The following KIR3DL1 variants were observed in gnomAD, a reference collection of about 807,000 sequenced individuals.
KIR3DL1 encodes killer cell immunoglobulin like receptor, three Ig domains and long cytoplasmic tail 1, also known as killer cell immunoglobulin-like receptor 3DL1.
A neutral mutation model predicts 40.3 loss-of-function variants in KIR3DL1; 50 were observed. The observed-to-expected ratio is 1.24, with a 90% CI of 0.99 to 1.57. KIR3DL1 has a LOEUF of 1.57. Ranked by LOEUF, KIR3DL1 falls within the 40% of genes most tolerant of loss-of-function variation. KIR3DL1 has a pLI of 0.00. For missense variants in KIR3DL1, 661 were observed against 559.9 expected, an observed-to-expected ratio of 1.18 and a Z score of -1.82; for synonymous variants, 257 against 207.2, an observed-to-expected ratio of 1.24 and a Z score of -2.07.
intron 6 of KIR3DL1, among the ~76,000 whole-genome samples, chr19:54,826,732 A>G (rs1397753547): frequency 6.6e-6 from 1 of 150,998 alleles, no homozygotes; most frequent in Non-Finnish European, 1.5e-5. Flanking sequence ...GAACCCCTGA[A>G]AGATTGGCGG....
chr19:54,828,411 C>A (rs1235348942), intron 6 of KIR3DL1, among the ~76,000 whole-genome samples: 5 of 151,262 alleles, frequency 3.3e-5, no homozygotes, highest in African/African-American at 1.2e-4. Flanking sequence ...ACCGTCACTC[C>A]AGGGAGACAG....
At chr19:54,824,657 C>T (rs2061793472) in intron 5 of KIR3DL1, among the ~76,000 whole-genome samples, 3 of 150,486 alleles carry the variant, frequency 2.0e-5, no homozygotes, top group Admixed American at 2.0e-4. Context: ...GCCTGCATGA[C>T]AGAGCAAGAT....
chr19:54,830,615 C>A (rs2062179824), exon 9 of KIR3DL1: 1 of 337,642 alleles, frequency 3.0e-6, no homozygotes, highest in Non-Finnish European at 5.4e-6. Context: ...ATACAAGAGG[C>A]TCCCTCTTGA....
At chr19:54,819,775 G>A in exon 4 of KIR3DL1, 3 of 1,611,184 alleles carry the variant, frequency 1.9e-6, no homozygotes, top group Non-Finnish European at 2.5e-6. Context: ...AGGAGAGAGA[G>A]TCATCCTGCA....
At chr19:54,818,504 C>G (rs1229896989) in exon 3 of KIR3DL1, 8 of 1,611,480 alleles carry the variant, frequency 5.0e-6, no homozygotes, top group African/African-American at 2.7e-5. Context: ...CCTGTGACCA[C>G]AGCACATGCA....
chr19:54,827,245 C>A (rs1301701752), intron 6 of KIR3DL1, among the ~76,000 whole-genome samples: 1 of 151,240 alleles, frequency 6.6e-6, no homozygotes, highest in Non-Finnish European at 1.5e-5. Flanking sequence ...CAATACCTGG[C>A]AAAGGAGTGA....
chr19:54,817,610 T>C (rs1158293657), intron 2 of KIR3DL1, 41 bp downstream of exon 2: 259 of 1,449,752 alleles, frequency 1.8e-4, no homozygotes, highest in Non-Finnish European at 2.2e-4. Context: ...TCTCCCCACA[T>C]AAGAGGATTT....
rs1053202896 is a variant in KIR3DL1, at chr19:54,820,127, G to A, written c.655+115G>A. 41 of 1,128,760 alleles carry A rather than the reference G, an allele frequency of 3.6e-5. 1 individual carries two copies. The Admixed American group carries it at 6.9e-4, about 19-fold the overall frequency. The allele number at this position is 1,128,760 out of a possible 1,614,324, so 69.9% of individuals were successfully genotyped here. On this transcript the variant is annotated intron_variant, in intron 4 of 8. Coordinates refer to ENST00000391728, the Ensembl canonical transcript of KIR3DL1. ...TAAGTGTGGGATTCTTATGGAAAGA[G>A]AGTGACTTGGTGAGGTCTGTACCAA...
At chr19:54,824,683 C>CA (rs1302833532) in intron 5 of KIR3DL1, among the ~76,000 whole-genome samples, 1 of 141,292 alleles carries the variant, frequency 7.1e-6, no homozygotes, top group Non-Finnish European at 1.6e-5. Flanking sequence ...CACACACACA[C>CA]ACAAAAAAAG....
Position 54,829,582 on chromosome 19 carries a change from C to T in KIR3DL1, c.1105+117C>T. 2.2e-6 allele frequency: 2 copies of T among 918,052 alleles called. 1 individual carries two copies. Among genetic ancestry groups the T allele is most frequent in the Non-Finnish European group, 3.3e-6 (2 of 613,992 alleles). The allele number at this position is 918,052 out of a possible 1,614,324, so 56.9% of individuals were successfully genotyped here. A position where few individuals can be genotyped will look rare whatever the true frequency, so the allele number is the denominator to read the frequency against. On this transcript the variant is annotated intron_variant, in intron 7 of 8. Transcript: ENST00000391728. ...GGTCCCTGGCCCAAGACAGGAGCCA[C>T]AGAGGCAGGACTTTCTAGAGAGAGC...
intron 1 of KIR3DL1, 145 bp from the exon 2 acceptor site, chr19:54,817,389 T>G: frequency 1.4e-6 from 1 of 728,248 alleles, no homozygotes; most frequent in Non-Finnish European, 2.4e-6. Context: ...CCGAGATCCT[T>G]GTTCCTGGGG....
chr19:54,817,816 CAGAG>C (rs59774724), intron 2 of KIR3DL1, among the ~76,000 whole-genome samples: 4,212 of 148,544 alleles, frequency 0.028, 185 homozygotes, highest in South Asian at 0.069. Context: ...GTGTCAGCAG[CAGAG>C]AAAGAGAGGG....
rs2061663120 is a variant in KIR3DL1, at chr19:54,821,950, T to C, written c.949+92T>C. 4 of 1,437,770 alleles carry C rather than the reference T, an allele frequency of 2.8e-6. 1 individual carries two copies. The Admixed American group carries it at 5.5e-5, about 20-fold the overall frequency. The allele number at this position is 1,437,770 out of a possible 1,614,324, so 89.1% of individuals were successfully genotyped here. A position where few individuals can be genotyped will look rare whatever the true frequency, so the allele number is the denominator to read the frequency against. ...GATGATGGAGAAAAGCATGGACAGATGCAGAGAGAAGACACAGCAGGTGTG... is the reference window on the plus strand; with the variant it reads ...GATGATGGAGAAAAGCATGGACAGACGCAGAGAGAAGACACAGCAGGTGTG... On this transcript the variant is annotated intron_variant, in intron 5 of 8. Transcript: ENST00000391728.
chr19:54,818,928 A>G (rs62124096), intron 3 of KIR3DL1, among the ~76,000 whole-genome samples: 28,781 of 146,474 alleles, frequency 0.2, 3,150 homozygotes, highest in South Asian at 0.31. Flanking sequence ...AAGGGTCCAC[A>G]TGAGAGGTGG....
At chr19:54,828,477 G>A (rs1227313092) in intron 6 of KIR3DL1, among the ~76,000 whole-genome samples, 1 of 151,128 alleles carries the variant, frequency 6.6e-6, no homozygotes, top group East Asian at 1.9e-4. Flanking sequence ...TAAGCAGCGA[G>A]TGACAACAGA....
chr19:54,830,207 A>G, exon 9 of KIR3DL1: 2 of 1,523,822 alleles, frequency 1.3e-6, no homozygotes, highest in Non-Finnish European at 1.8e-6. Context: ...GACACCCCCT[A>G]CAGATACCAT....
intron 5 of KIR3DL1, among the ~76,000 whole-genome samples, chr19:54,824,731 C>T (rs1427993323): frequency 1.3e-5 from 2 of 150,076 alleles, no homozygotes; most frequent in Non-Finnish European, 3.0e-5. Context: ...TCTGTGTTCT[C>T]CATTCTGTTT....
chr19:54,821,220 A>G (rs974403166), intron 4 of KIR3DL1, among the ~76,000 whole-genome samples: 1 of 119,856 alleles, frequency 8.3e-6, no homozygotes, highest in African/African-American at 2.7e-5. Flanking sequence ...GACACAAAAT[A>G]GATAAATAGA....
At chr19:54,819,322 GA>G (rs1569437116) in intron 3 of KIR3DL1, among the ~76,000 whole-genome samples, 1 of 119,712 alleles carries the variant, frequency 8.4e-6, no homozygotes, top group Non-Finnish European at 1.9e-5. Flanking sequence ...AACGACTGGG[GA>G]GGCTGAGGCA....
Sources: gnomAD v4.1 joint callset for allele counts (sites outside exome capture counted in the v4.1 genomes callset) on GRCh38, gnomAD v4.1.1 for gene constraint, MANE v1.5 for transcripts, NCBI Gene and HGNC (gene_info 2026-07-23, HGNC 2026-07-21) for gene names.